Variants in KCNAB1 observed in about 807,000 individuals in gnomAD.
KCNAB1 encodes voltage-gated potassium channel subunit beta-1.
KCNAB1 carries 35 observed loss-of-function variants against 64.6 expected under a neutral mutation model. The observed-to-expected ratio is 0.54, with a 90% CI of 0.41 to 0.72. The LOEUF (loss-of-function observed/expected upper bound fraction) is 0.72. Among genes scored for constraint, KCNAB1 ranks in the 30% least tolerant of loss-of-function variants. The pLI is 0.00. For missense variants in KCNAB1, 401 were observed against 512.9 expected (o/e 0.78, Z 2.11); for synonymous variants, 177 against 183.8 (o/e 0.96, Z 0.30).
At chr3:156,283,951 C>T (rs1473445466) in intron 1 of KCNAB1, among the ~76,000 whole-genome samples, 1 of 151,648 alleles carries the variant, frequency 6.6e-6, no homozygotes, top group Non-Finnish European at 1.5e-5. Flanking sequence ...CGTCTGAAGC[C>T]TTCTTCTCTC....
At chr3:156,354,130 A>G (rs1473414596) in intron 1 of KCNAB1, among the ~76,000 whole-genome samples, 1 of 143,920 alleles carries the variant, frequency 6.9e-6, no homozygotes, top group Non-Finnish European at 1.5e-5. Flanking sequence ...GTATATATAT[A>G]TATATATATA....
At chr3:156,327,318 G>C (rs1723028515) in intron 1 of KCNAB1, among the ~76,000 whole-genome samples, 1 of 152,112 alleles carries the variant, frequency 6.6e-6, no homozygotes, top group African/African-American at 2.4e-5. Context: ...TCTTTGAGTA[G>C]ATATGACTAC....
intron 1 of KCNAB1, among the ~76,000 whole-genome samples, chr3:156,367,171 C>CTT (rs9331286): frequency 9.3e-5 from 11 of 118,418 alleles, no homozygotes; most frequent in Admixed American, 1.7e-4. Flanking sequence ...AGTAATCTAC[C>CTT]TTTTTTTTTT....
At chr3:156,483,544 T>A (rs1261697101) in intron 8 of KCNAB1, among the ~76,000 whole-genome samples, 2 of 152,150 alleles carry the variant, frequency 1.3e-5, no homozygotes, top group African/African-American at 4.8e-5. Flanking sequence ...ACTAATCCAC[T>A]TAGTTTTACC....
At chr3:156,354,380 C>T (rs181592760) in intron 1 of KCNAB1, among the ~76,000 whole-genome samples, 3 of 151,530 alleles carry the variant, frequency 2.0e-5, no homozygotes, top group East Asian at 1.9e-4. Context: ...AGGCTGGTCT[C>T]GAACTCCCGA....
In KCNAB1 at chr3:156,206,022, A is replaced by G. The variant is rs1714639147; in HGVS notation, c.275+85136A>G. On this transcript the variant is annotated intron_variant, in intron 1 of 13. Transcript: ENST00000490337. ...TTGCCCCTTTACTACATTACTGTGC[A>G]CTGTCCTATCATATTCTACCTTCAA... 2.0e-5 allele frequency among the ~76,000 whole-genome samples: 3 copies of G among 152,186 alleles called. No individual in the cohort carries two copies. The South Asian group carries it at 6.2e-4, about 32-fold the overall frequency.
intron 1 of KCNAB1, among the ~76,000 whole-genome samples, chr3:156,411,816 T>C (rs763057411): frequency 1.3e-5 from 2 of 152,218 alleles, no homozygotes; most frequent in Non-Finnish European, 2.9e-5. Flanking sequence ...TCAGATAGTA[T>C]GAGTCCTCCA....
chr3:156,437,431 A>G (rs1465008433), intron 2 of KCNAB1, among the ~76,000 whole-genome samples: 4 of 152,154 alleles, frequency 2.6e-5, no homozygotes. Flanking sequence ...AAGATTTAGT[A>G]CCCCATCTCA....
At chr3:156,511,892 T>C (rs911562353) in intron 8 of KCNAB1, among the ~76,000 whole-genome samples, 2 of 152,212 alleles carry the variant, frequency 1.3e-5, no homozygotes, top group African/African-American at 4.8e-5. Flanking sequence ...ACCCCTGTCC[T>C]CCTTCCCTCC....
At chr3:156,162,325 G>A (rs1464034291) in intron 1 of KCNAB1, among the ~76,000 whole-genome samples, 2 of 151,890 alleles carry the variant, frequency 1.3e-5, no homozygotes, top group Non-Finnish European at 2.9e-5. Context: ...TTATTTTTGT[G>A]CATTATGTGA....
intron 1 of KCNAB1, among the ~76,000 whole-genome samples, chr3:156,227,234 T>G (rs1285466915): frequency 1.3e-5 from 2 of 152,222 alleles, no homozygotes; most frequent in Non-Finnish European, 2.9e-5. Context: ...AAAAGTTCTT[T>G]TTTATACTTT....
At chr3:156,400,095 C>G (rs569832170) in intron 1 of KCNAB1, among the ~76,000 whole-genome samples, 1 of 152,234 alleles carries the variant, frequency 6.6e-6, no homozygotes, top group South Asian at 2.1e-4. Context: ...AAATGTGAGC[C>G]TTTCATTTGT....
chr3:156,332,958 G>A (rs1723442606), intron 1 of KCNAB1, among the ~76,000 whole-genome samples: 1 of 152,044 alleles, frequency 6.6e-6, no homozygotes, highest in South Asian at 2.1e-4. Flanking sequence ...TCTTTTCCTT[G>A]ATTTCTCTAT....
chr3:156,275,443 T>C (rs1719283177), intron 1 of KCNAB1, among the ~76,000 whole-genome samples: 1 of 152,186 alleles, frequency 6.6e-6, no homozygotes, highest in African/African-American at 2.4e-5. Flanking sequence ...TTTCTTAAAA[T>C]AAGATGACAA....
At chr3:156,215,463 G>A (rs4680244) in intron 1 of KCNAB1, 73,873 of 152,072 alleles carry the variant, frequency 0.49, 19,116 homozygotes, top group East Asian at 0.8. Context: ...GTTTTATTTC[G>A]TCCTAAAGTA....
At chr3:156,503,179 G>T (rs554059103) in intron 8 of KCNAB1, among the ~76,000 whole-genome samples, 1 of 152,294 alleles carries the variant, frequency 6.6e-6, no homozygotes, top group South Asian at 2.1e-4. Context: ...GTAGAAAACG[G>T]TGGGGCTATA....
At chr3:156,211,115 G>C (rs1217481469) in intron 1 of KCNAB1, among the ~76,000 whole-genome samples, 1 of 152,114 alleles carries the variant, frequency 6.6e-6, no homozygotes, top group Non-Finnish European at 1.5e-5. Context: ...GAAAAAAGGG[G>C]TGCAGTGGAG....
At chr3:156,196,694 T>C (rs1010866167) in intron 1 of KCNAB1, among the ~76,000 whole-genome samples, 15 of 152,352 alleles carry the variant, frequency 9.8e-5, no homozygotes, top group African/African-American at 3.6e-4. Context: ...GCTCATCAGC[T>C]TAAGGAGTTT....
intron 4 of KCNAB1, 26 bp downstream of exon 4, chr3:156,457,558 T>G: frequency 6.3e-7 from 1 of 1,577,800 alleles, no homozygotes; most frequent in Non-Finnish European, 8.7e-7. Context: ...TTTGTGTCAC[T>G]CAAATGGCAT....
Sources: gnomAD v4.1 joint callset for allele counts (sites outside exome capture counted in the v4.1 genomes callset) on GRCh38, gnomAD v4.1.1 for gene constraint, MANE v1.5 for transcripts, NCBI Gene and HGNC (gene_info 2026-07-23, HGNC 2026-07-21) for gene names.